DEK: variants seen among roughly 807,000 people sequenced by gnomAD.
The protein encoded by DEK is protein DEK.
Under a neutral mutation model 46.8 loss-of-function variants are expected in DEK, and 28 were observed. The ratio of observed to expected loss-of-function variants is 0.60; its 90% CI spans 0.44 to 0.82. DEK has a LOEUF of 0.82. DEK is among the 40% of genes least tolerant of loss of function. DEK has a pLI of 0.00. For missense variants in DEK, 416 were observed against 430.6 expected, an observed-to-expected ratio of 0.97 and a Z score of 0.30; for synonymous variants, 160 against 144.5, an observed-to-expected ratio of 1.11 and a Z score of -0.77.
chr6:18,241,042 G>A (rs1213082757), intron 7 of DEK, among the ~76,000 whole-genome samples: 1 of 152,160 alleles, frequency 6.6e-6, no homozygotes, highest in African/African-American at 2.4e-5. Context: ...TAGGAATTTG[G>A]TAAAGTCTCT....
intron 6 of DEK, 141 bp from the exon 7 acceptor site, chr6:18,249,980 C>G: frequency 7.5e-7 from 1 of 1,326,540 alleles, no homozygotes; most frequent in Non-Finnish European, 9.9e-7. Context: ...AGAGAATAAT[C>G]TTTAACCGTG....
intron 7 of DEK, among the ~76,000 whole-genome samples, chr6:18,245,662 C>G (rs1167584102): frequency 1.3e-5 from 2 of 152,182 alleles, no homozygotes. Context: ...ACTATTTCCC[C>G]CTTTTTTCTG....
intron 7 of DEK, among the ~76,000 whole-genome samples, chr6:18,246,834 TCA>T (rs968528935): frequency 7.9e-5 from 12 of 152,150 alleles, no homozygotes; most frequent in Admixed American, 3.3e-4. Flanking sequence ...CTACCCAAAT[TCA>T]CAGTTATTTA....
At chr6:18,264,119 T>G in intron 1 of DEK, 123 bp from the exon 2 acceptor site, 2 of 855,918 alleles carry the variant, frequency 2.3e-6, no homozygotes, top group Non-Finnish European at 3.4e-6. Context: ...CCTCCTCCCA[T>G]AGCCGGGACC....
chr6:18,245,317 C>G (rs1791064303), intron 7 of DEK, among the ~76,000 whole-genome samples: 1 of 152,248 alleles, frequency 6.6e-6, no homozygotes, highest in Admixed American at 6.5e-5. Flanking sequence ...CCCACATCCT[C>G]AATTCCTTTC....
chr6:18,231,648 C>G (rs954434862), intron 9 of DEK, among the ~76,000 whole-genome samples: 2 of 152,166 alleles, frequency 1.3e-5, no homozygotes, highest in Non-Finnish European at 2.9e-5. Flanking sequence ...CACATACACC[C>G]TCCCAAGACT....
At chr6:18,241,618 G>C (rs214509) in intron 7 of DEK, among the ~76,000 whole-genome samples, 80,553 of 151,996 alleles carry the variant, frequency 0.53, 22,827 homozygotes, top group African/African-American at 0.75. Flanking sequence ...AGCTCCAGAG[G>C]TGACTCATCT....
intron 4 of DEK, among the ~76,000 whole-genome samples, chr6:18,257,524 C>T (rs1791650882): frequency 6.6e-6 from 1 of 152,076 alleles, no homozygotes; most frequent in African/African-American, 2.4e-5. Flanking sequence ...CCAGCCTGGG[C>T]ACATGGCAAA....
intron 9 of DEK, among the ~76,000 whole-genome samples, chr6:18,226,756 G>T (rs1300216837): frequency 6.6e-6 from 1 of 152,180 alleles, no homozygotes; most frequent in Non-Finnish European, 1.5e-5. Context: ...TTCCAGCCTG[G>T]ACCACAGAGT....
At chr6:18,237,930 G>A (rs1028366792) in intron 7 of DEK, among the ~76,000 whole-genome samples, 4 of 135,356 alleles carry the variant, frequency 3.0e-5, no homozygotes, top group Non-Finnish European at 4.6e-5. Context: ...GCAGTGGCCC[G>A]ATCTTGGTTC....
At chr6:18,239,203 C>T (rs572584018) in intron 7 of DEK, among the ~76,000 whole-genome samples, 13 of 152,220 alleles carry the variant, frequency 8.5e-5, no homozygotes, top group East Asian at 5.8e-4. Flanking sequence ...GGATTACAGC[C>T]GTGAGCCACT....
intron 4 of DEK, among the ~76,000 whole-genome samples, chr6:18,257,017 T>G (rs773214086): frequency 5.3e-5 from 8 of 152,208 alleles, no homozygotes; most frequent in African/African-American, 1.9e-4. Context: ...ACTTCAGACA[T>G]TCTAACACCC....
chr6:18,227,804 C>G (rs1790208747), intron 9 of DEK, among the ~76,000 whole-genome samples: 1 of 152,158 alleles, frequency 6.6e-6, no homozygotes, highest in African/African-American at 2.4e-5. Flanking sequence ...GTTGGCAAGT[C>G]ATCTGCCAAG....
chr6:18,226,906 C>G (rs1443349251), intron 9 of DEK, among the ~76,000 whole-genome samples: 1 of 152,194 alleles, frequency 6.6e-6, no homozygotes, highest in Non-Finnish European at 1.5e-5. Flanking sequence ...TGTGCTGTGT[C>G]AACTCAGGGT....
chr6:18,247,638 T>C, intron 7 of DEK, among the ~76,000 whole-genome samples: 1 of 152,126 alleles, frequency 6.6e-6, no homozygotes, highest in Non-Finnish European at 1.5e-5. Flanking sequence ...GGGACAACAA[T>C]TTAGAAAGCG....
intron 9 of DEK, among the ~76,000 whole-genome samples, chr6:18,231,363 AAGATC>A (rs774718933): frequency 2.6e-5 from 4 of 152,204 alleles, no homozygotes; most frequent in Admixed American, 6.5e-5. Flanking sequence ...AGAAATAACT[AAGATC>A]AGAGCAGAAC....
Position 18,263,938 on chromosome 6 carries a change from G to A in DEK, c.50C>T (p.Pro17Leu). Residue 17 changes from proline (P) to leucine (L), a missense_variant, in exon 2 of 11, where the codon CCC becomes CTC. Coordinates refer to ENST00000652689, the MANE Select transcript of DEK (RefSeq NM_003472.4). ...CATTTCGGGTTCTTTCTCGGACGCG[G>A]GCTGGGTGGGGGTTCCCTCCCCCTC... ...AAEGEGTPTQ[P>L]ASEKEPEMPG... The A allele has an allele frequency of 6.2e-7, 1 of 1,613,454 alleles. No individual in the cohort carries two copies. Among genetic ancestry groups the A allele is most frequent in the Non-Finnish European group, 8.5e-7 (1 of 1,179,736 alleles).
At chr6:18,245,976 G>A (rs115359967) in intron 7 of DEK, among the ~76,000 whole-genome samples, 199 of 152,302 alleles carry the variant, frequency 1.3e-3, no homozygotes, top group African/African-American at 4.5e-3. Context: ...GCTTGCTGCC[G>A]CGTAAGATGG....
intron 6 of DEK, among the ~76,000 whole-genome samples, chr6:18,251,828 T>C (rs780671055): frequency 2.0e-5 from 3 of 152,140 alleles, no homozygotes; most frequent in Non-Finnish European, 4.4e-5. Flanking sequence ...GGATGTAATC[T>C]GTATATCGAA....
Sources: gnomAD v4.1 joint callset for allele counts (sites outside exome capture counted in the v4.1 genomes callset) on GRCh38, gnomAD v4.1.1 for gene constraint, MANE v1.5 for transcripts, NCBI Gene and HGNC (gene_info 2026-07-23, HGNC 2026-07-21) for gene names.